Variants in HMGB1 observed in about 807,000 individuals in gnomAD.
HMGB1 encodes the protein high mobility group protein B1.
For missense variants in HMGB1, 79 were observed against 253.5 expected, an observed-to-expected ratio of 0.31 and a Z score of 4.67; for synonymous variants, 81 against 84.0, an observed-to-expected ratio of 0.96 and a Z score of 0.19.
intron 1 of HMGB1, among the ~76,000 whole-genome samples, chr13:30,549,601 C>T (rs1405898576): frequency 6.6e-6 from 1 of 152,010 alleles, no homozygotes; most frequent in South Asian, 2.1e-4. Context: ...CACTATGTTG[C>T]CCGGGCTAGT....
At chr13:30,574,536 A>G (rs1249974291) in intron 1 of HMGB1, among the ~76,000 whole-genome samples, 1 of 152,242 alleles carries the variant, frequency 6.6e-6, no homozygotes, top group African/African-American at 2.4e-5. Context: ...GCATTCATTT[A>G]TCAACTTTCA....
intron 1 of HMGB1, among the ~76,000 whole-genome samples, chr13:30,607,498 T>C (rs1328529129): frequency 6.6e-6 from 1 of 150,970 alleles, no homozygotes; most frequent in Non-Finnish European, 1.5e-5. Flanking sequence ...GCCATGATTT[T>C]AAGTTTCCTG....
intron 1 of HMGB1, among the ~76,000 whole-genome samples, chr13:30,599,180 C>T (rs1408332059): frequency 6.6e-6 from 1 of 152,148 alleles, no homozygotes; most frequent in Admixed American, 6.6e-5. Flanking sequence ...CGTAACGTAA[C>T]ACTACAGGCC....
At chr13:30,595,137 A>AAT (rs1871548447) in intron 1 of HMGB1, among the ~76,000 whole-genome samples, 1 of 151,804 alleles carries the variant, frequency 6.6e-6, no homozygotes, top group African/African-American at 2.4e-5. Context: ...TCCTGGTTCT[A>AAT]GTGAGTCTTC....
Position 30,559,373 on chromosome 13 carries a change from A to G in HMGB1, c.-15+57298T>C, listed in dbSNP as rs1420393669. 6.6e-6 allele frequency among the ~76,000 whole-genome samples: 1 copy of G among 152,194 alleles called. No individual in the cohort carries two copies. The highest frequency in any genetic ancestry group is 1.5e-5 in the Non-Finnish European group (1 of 68,030). On this transcript the variant is annotated intron_variant, in intron 1 of 4. Coordinates refer to the HMGB1 transcript ENST00000405805. This position sits in a 1 kb window ranked among gnomAD's most constrained non-coding sequence, Gnocchi z 6.6. ...TACAGGGTGAACTCCCAATCCCGGT[A>G]AGATGGCCCGAGTTTCATTGCTGGT...
chr13:30,461,601 G>A (rs1886340592), intron 4 of HMGB1, 68 bp from the exon 5 acceptor site: 6 of 1,571,900 alleles, frequency 3.8e-6, no homozygotes, highest in Non-Finnish European at 3.5e-6. Flanking sequence ...ATAGAACATG[G>A]CAGAACTTTA....
At chr13:30,574,462 A>T (rs1870563055) in intron 1 of HMGB1, among the ~76,000 whole-genome samples, 1 of 152,248 alleles carries the variant, frequency 6.6e-6, no homozygotes, top group Non-Finnish European at 1.5e-5. Context: ...CTCTTGTGAT[A>T]ATAGCACTAT....
chr13:30,553,948 T>G (rs2137516122), intron 1 of HMGB1: 2 of 1,470,640 alleles, frequency 1.4e-6, no homozygotes, highest in East Asian at 2.3e-5. Flanking sequence ...CTTCCTAACA[T>G]GTGCTGCCAT....
chr13:30,607,789 A>C (rs1211506134), intron 1 of HMGB1, among the ~76,000 whole-genome samples: 1 of 152,220 alleles, frequency 6.6e-6, no homozygotes, highest in African/African-American at 2.4e-5. Context: ...CTCACAGCCT[A>C]ATCTCTAGCT....
chr13:30,505,817 TC>T (rs886400289), intron 1 of HMGB1, among the ~76,000 whole-genome samples: 6 of 152,098 alleles, frequency 3.9e-5, no homozygotes, highest in African/African-American at 1.4e-4. Flanking sequence ...GCTTTTTGGA[TC>T]CCCCCTTTGT....
At chr13:30,608,860 C>T (rs1441871063) in intron 1 of HMGB1, among the ~76,000 whole-genome samples, 1 of 152,192 alleles carries the variant, frequency 6.6e-6, no homozygotes, top group African/African-American at 2.4e-5. Context: ...TGGGGCATTA[C>T]TTATCAACCT....
At chr13:30,523,619 G>A (rs1441284519) in intron 1 of HMGB1, among the ~76,000 whole-genome samples, 1 of 152,068 alleles carries the variant, frequency 6.6e-6, no homozygotes, top group Non-Finnish European at 1.5e-5. Flanking sequence ...ATGCTGGTGT[G>A]GTTGAAAGAA....
At chr13:30,614,241 G>A (rs149512458) in intron 1 of HMGB1, among the ~76,000 whole-genome samples, 207 of 152,330 alleles carry the variant, frequency 1.4e-3, no homozygotes, top group Non-Finnish European at 2.4e-3. Context: ...GTGAATGAAT[G>A]TGTTACCTAT....
chr13:30,536,252 A>G (rs1868429324), intron 1 of HMGB1, among the ~76,000 whole-genome samples: 1 of 152,260 alleles, frequency 6.6e-6, no homozygotes, highest in Non-Finnish European at 1.5e-5. Flanking sequence ...ATAGTATATA[A>G]AACATAATAT....
At chr13:30,499,426 T>C (rs1259741573) in intron 1 of HMGB1, among the ~76,000 whole-genome samples, 1 of 152,232 alleles carries the variant, frequency 6.6e-6, no homozygotes, top group Admixed American at 6.5e-5. Context: ...AGAAAGTCTC[T>C]CGATCATTAC....
intron 1 of HMGB1, among the ~76,000 whole-genome samples, chr13:30,609,057 C>T (rs1870275567): frequency 6.7e-6 from 1 of 149,160 alleles, no homozygotes; most frequent in South Asian, 2.1e-4. Context: ...GTCAGGAGAT[C>T]AAGACCATCC....
intron 1 of HMGB1, among the ~76,000 whole-genome samples, chr13:30,591,697 T>C (rs9579614): frequency 0.047 from 7,174 of 152,048 alleles, 641 homozygotes; most frequent in African/African-American, 0.16. Flanking sequence ...AGATGGGGTT[T>C]TGCCATGTTG....
chr13:30,536,594 C>T (rs2137492741), intron 1 of HMGB1, among the ~76,000 whole-genome samples: 1 of 152,270 alleles, frequency 6.6e-6, no homozygotes, highest in African/African-American at 2.4e-5. Flanking sequence ...AGGTGATCTG[C>T]CCACCTCAGC....
intron 1 of HMGB1, among the ~76,000 whole-genome samples, chr13:30,567,243 G>A (rs920472988): frequency 1.3e-5 from 2 of 151,794 alleles, no homozygotes; most frequent in African/African-American, 2.4e-5. Flanking sequence ...TTCAGCCCCT[G>A]TAGTCAATTT....
Sources: gnomAD v4.1 joint callset for allele counts (sites outside exome capture counted in the v4.1 genomes callset) on GRCh38, gnomAD v4.1.1 for gene constraint, Gnocchi (gnomAD v3.1) non-coding constraint, MANE v1.5 for transcripts, NCBI Gene and HGNC (gene_info 2026-07-23, HGNC 2026-07-21) for gene names.